The following RHOBTB1 variants were observed in gnomAD, a reference collection of about 807,000 sequenced individuals.
RHOBTB1 encodes the protein Rho related BTB domain containing 1, also known as rho-related BTB domain-containing protein 1.
Under a neutral mutation model 71.6 loss-of-function variants are expected in RHOBTB1, and 40 were observed. The observed-to-expected ratio is 0.56, with a 90% CI of 0.43 to 0.73. The LOEUF is 0.73. Ranked by LOEUF, RHOBTB1 falls within the 30% of genes least tolerant of loss-of-function variation. The probability of loss-of-function intolerance (pLI) is 0.00; values close to 1 mark genes in which losing one functional copy is unlikely to be tolerated. For missense variants in RHOBTB1, 797 were observed against 894.0 expected (o/e 0.89, Z 1.38); for synonymous variants, 319 against 334.9 (o/e 0.95, Z 0.52).
Position 60,897,726 on chromosome 10 carries a change from A to G in RHOBTB1, c.297-4731T>C, listed in dbSNP as rs562236156. On this transcript the variant is annotated intron_variant, in intron 4 of 10. Coordinates refer to ENST00000337910, the MANE Select transcript of RHOBTB1 (RefSeq NM_014836.5). The stretch of plus-strand genomic sequence containing the variant: ...ACATATACATATAATTTTTTTTTTG[A>G]GATGGAGTCTTGCTCTGTTGCCCAG... Among the ~76,000 whole-genome samples the G allele has an allele frequency of 4.0e-5, 6 of 151,810 alleles. No homozygotes were observed. In the South Asian group the frequency reaches 6.2e-4, roughly 16 times the overall value.
intron 7 of RHOBTB1, among the ~76,000 whole-genome samples, chr10:60,879,446 A>G (rs1490968867): frequency 1.3e-5 from 2 of 151,280 alleles, no homozygotes; most frequent in African/African-American, 4.9e-5. Context: ...CAATCCTCCC[A>G]CCTCCACCTC....
intron 2 of RHOBTB1, among the ~76,000 whole-genome samples, chr10:60,954,991 T>C (rs17260420): frequency 0.53 from 79,958 of 149,986 alleles, 21,599 homozygotes; most frequent in East Asian, 0.77. Flanking sequence ...AATAGTCCAC[T>C]TTGAGCTACC....
At chr10:60,982,530 T>C (rs2086534393) in intron 2 of RHOBTB1, among the ~76,000 whole-genome samples, 1 of 152,198 alleles carries the variant, frequency 6.6e-6, no homozygotes, top group Non-Finnish European at 1.5e-5. Context: ...GGCCATCCTA[T>C]GCATCTAGGG....
At chr10:60,941,350 T>A (rs1424380698) in intron 2 of RHOBTB1, among the ~76,000 whole-genome samples, 1 of 152,202 alleles carries the variant, frequency 6.6e-6, no homozygotes, top group Admixed American at 6.5e-5. Flanking sequence ...GAGATTTTTT[T>A]TTTCTTTCTG....
chr10:61,001,416 T>G (rs1448576564), exon 1 of RHOBTB1: 1 of 150,704 alleles, frequency 6.6e-6, no homozygotes, highest in Non-Finnish European at 1.5e-5. Flanking sequence ...CGCTGGAAGC[T>G]CCCGCGGCGG....
intron 4 of RHOBTB1, among the ~76,000 whole-genome samples, chr10:60,905,490 A>G (rs1404841657): frequency 6.6e-6 from 1 of 151,316 alleles, no homozygotes; most frequent in Non-Finnish European, 1.5e-5. Flanking sequence ...AATTAAGGCA[A>G]AAAAATCCAT....
At chr10:60,861,890 G>T in the RHOBTB1 span, among the ~76,000 whole-genome samples, 1 of 152,160 alleles carries the variant, frequency 6.6e-6, no homozygotes, top group African/African-American at 2.4e-5. Context: ...CAACTTAAAT[G>T]CATGAATAAG....
Position 60,887,880 on chromosome 10 carries a change from G to A in RHOBTB1, c.1456+332C>T, listed in dbSNP as rs1229309983. 2.6e-5 allele frequency among the ~76,000 whole-genome samples: 4 copies of A among 152,284 alleles called. No homozygotes were observed. The East Asian group carries it at 5.8e-4, about 22-fold the overall frequency. ...TGATCCACTCTTGAGGAGCAGTGTG[G>A]TACCATGGTGGTTTATGGAACAGGT... On this transcript the variant is annotated intron_variant, in intron 6 of 10. Transcript: ENST00000337910.
intron 2 of RHOBTB1, among the ~76,000 whole-genome samples, chr10:60,917,280 G>C (rs1367295892): frequency 6.6e-6 from 1 of 151,990 alleles, no homozygotes; most frequent in Non-Finnish European, 1.5e-5. Context: ...TGTCTGCCTG[G>C]CAAATTCTAT....
chr10:60,916,590 A>G (rs1282870256), intron 2 of RHOBTB1, among the ~76,000 whole-genome samples: 1 of 152,224 alleles, frequency 6.6e-6, no homozygotes, highest in African/African-American at 2.4e-5. Context: ...GTCAGATGAT[A>G]GGTCCCTTTT....
chr10:60,939,476 A>T (rs529167460), intron 2 of RHOBTB1, among the ~76,000 whole-genome samples: 4 of 152,278 alleles, frequency 2.6e-5, no homozygotes, highest in Admixed American at 6.5e-5. Context: ...TTCCCTTAAA[A>T]GCTTCCCCTT....
At chr10:60,957,151 CACTTA>C (rs1363785487) in intron 2 of RHOBTB1, among the ~76,000 whole-genome samples, 1 of 152,182 alleles carries the variant, frequency 6.6e-6, no homozygotes, top group African/African-American at 2.4e-5. Flanking sequence ...GGCTGTTTGA[CACTTA>C]ACTTAAAATA....
chr10:60,960,341 T>C (rs2134508754), intron 2 of RHOBTB1, among the ~76,000 whole-genome samples: 1 of 152,302 alleles, frequency 6.6e-6, no homozygotes, highest in East Asian at 1.9e-4. Flanking sequence ...GCGAATTTAA[T>C]CAAATAGTAT....
chr10:60,988,533 A>G (rs77498605), intron 1 of RHOBTB1, among the ~76,000 whole-genome samples: 2,196 of 151,848 alleles, frequency 0.014, 52 homozygotes, highest in African/African-American at 0.05. Context: ...TTTAGCTCCC[A>G]CTCATAAGTG....
chr10:60,912,619 T>C (rs867866812), intron 2 of RHOBTB1: 1 of 152,156 alleles, frequency 6.6e-6, no homozygotes, highest in Non-Finnish European at 1.5e-5. Context: ...CTGGAACATA[T>C]GGCAAAGAAT....
chr10:60,890,281 C>T (rs1055212737), intron 5 of RHOBTB1, among the ~76,000 whole-genome samples: 2 of 152,042 alleles, frequency 1.3e-5, no homozygotes, highest in Non-Finnish European at 2.9e-5. Flanking sequence ...AGCCCCTTAA[C>T]TAATCTTTCT....
intron 2 of RHOBTB1, among the ~76,000 whole-genome samples, chr10:60,985,377 AGAC>A (rs2086628361): frequency 6.6e-6 from 1 of 152,200 alleles, no homozygotes; most frequent in East Asian, 1.9e-4. Flanking sequence ...TTCTAATTAA[AGAC>A]ATTCAGTGCC....
chr10:60,940,455 G>A (rs1222442690), intron 2 of RHOBTB1, among the ~76,000 whole-genome samples: 2 of 152,120 alleles, frequency 1.3e-5, no homozygotes, highest in African/African-American at 4.8e-5. Flanking sequence ...TCAGGACTTT[G>A]GTTAGGATTT....
chr10:60,927,172 A>G (rs1055660388), intron 2 of RHOBTB1, among the ~76,000 whole-genome samples: 3 of 152,376 alleles, frequency 2.0e-5, no homozygotes, highest in Middle Eastern at 3.4e-3. Context: ...AAAGAAGTGA[A>G]AGTTACCTAC....
Sources: allele counts gnomAD v4.1 joint callset (sites outside exome capture counted in the v4.1 genomes callset), GRCh38; gene constraint gnomAD v4.1.1; transcripts MANE v1.5; gene names NCBI Gene and HGNC (gene_info 2026-07-23, HGNC 2026-07-21).